SBF2: variants seen among roughly 807,000 people sequenced by gnomAD.
The protein encoded by SBF2 is myotubularin-related protein 13.
SBF2 carries 112 observed loss-of-function variants against 225.2 expected under a neutral mutation model. That is an observed-to-expected ratio of 0.50 (90% CI 0.43 to 0.58). The LOEUF is 0.58. SBF2 is among the 20% of genes least tolerant of loss of function. SBF2 has a pLI of 0.00. For synonymous variants in SBF2, 763 were observed against 773.3 expected, an observed-to-expected ratio of 0.99 and a Z score of 0.22; for missense variants, 1,996 against 2,206.2, an observed-to-expected ratio of 0.90 and a Z score of 1.91.
intron 32 of SBF2, among the ~76,000 whole-genome samples, chr11:9,797,637 AATC>A (rs1003448896): frequency 6.6e-6 from 1 of 152,232 alleles, no homozygotes; most frequent in African/African-American, 2.4e-5. Context: ...AGGGATAAGA[AATC>A]ATGGGTTTCC....
intron 1 of SBF2, among the ~76,000 whole-genome samples, chr11:10,236,337 A>T (rs562535220): frequency 6.6e-6 from 1 of 152,126 alleles, no homozygotes; most frequent in African/African-American, 2.4e-5. Context: ...TAGTATGCAT[A>T]TGCAGTCCCA....
intron 19 of SBF2, among the ~76,000 whole-genome samples, chr11:9,854,063 T>C (rs1857147153): frequency 6.6e-6 from 1 of 152,208 alleles, no homozygotes; most frequent in African/African-American, 2.4e-5. Context: ...ACCTGGGCCT[T>C]CTAAAGCAAC....
intron 18 of SBF2, among the ~76,000 whole-genome samples, chr11:9,857,603 T>C (rs1857416740): frequency 6.6e-6 from 1 of 152,184 alleles, no homozygotes; most frequent in Non-Finnish European, 1.5e-5. Context: ...TCATATCCAT[T>C]TTACCAGTGA....
At chr11:9,796,049 G>A (rs1202750737) in intron 32 of SBF2, 92 bp from the exon 33 acceptor site, 1 of 1,258,996 alleles carries the variant, frequency 7.9e-7, no homozygotes, top group Admixed American at 1.8e-5. Flanking sequence ...ACATGCAGGA[G>A]ACCATTCAGT....
chr11:10,265,160 G>A (rs1359898832), intron 1 of SBF2, among the ~76,000 whole-genome samples: 1 of 152,114 alleles, frequency 6.6e-6, no homozygotes, highest in Non-Finnish European at 1.5e-5. Flanking sequence ...TTGCCACTCT[G>A]TCTTCCACAA....
At chr11:9,963,222 T>C (rs747352415) in intron 15 of SBF2, among the ~76,000 whole-genome samples, 1 of 152,242 alleles carries the variant, frequency 6.6e-6, no homozygotes, top group Non-Finnish European at 1.5e-5. Flanking sequence ...CCCAGCACTT[T>C]GGGAGGCTGA....
At chr11:10,247,827 C>T (rs1046079195) in intron 1 of SBF2, among the ~76,000 whole-genome samples, 3 of 152,096 alleles carry the variant, frequency 2.0e-5, no homozygotes, top group African/African-American at 7.2e-5. Context: ...AAGAAAACAC[C>T]ATCATAAAAA....
intron 16 of SBF2, among the ~76,000 whole-genome samples, chr11:9,943,238 T>C (rs1406375823): frequency 1.3e-5 from 2 of 152,188 alleles, no homozygotes; most frequent in Admixed American, 6.5e-5. Flanking sequence ...CAATTTCAGA[T>C]AGATTAAGGA....
chr11:9,851,083 C>T (rs1244188974), intron 21 of SBF2, among the ~76,000 whole-genome samples: 1 of 146,108 alleles, frequency 6.8e-6, no homozygotes, highest in Admixed American at 7.2e-5. Flanking sequence ...TTGCAGTGAG[C>T]CGAGATTGTG....
At chr11:10,004,585 A>AAAAAC (rs1554981743) in intron 6 of SBF2, among the ~76,000 whole-genome samples, 4 of 148,794 alleles carry the variant, frequency 2.7e-5, no homozygotes, top group African/African-American at 9.7e-5. Flanking sequence ...AAAAAAAAAA[A>AAAAAC]AAAAAAAAAA....
intron 2 of SBF2, among the ~76,000 whole-genome samples, chr11:10,099,126 A>C (rs957214252): frequency 2.0e-5 from 3 of 152,178 alleles, no homozygotes; most frequent in African/African-American, 7.2e-5. Context: ...AGCTCAAAAA[A>C]TCAAGACCAA....
chr11:9,823,108 A>G (rs948225931), intron 28 of SBF2, among the ~76,000 whole-genome samples: 1 of 152,172 alleles, frequency 6.6e-6, no homozygotes, highest in African/African-American at 2.4e-5. Context: ...GGCAGTACTA[A>G]TTTTCTCAAG....
chr11:9,926,748 C>A (rs540334381), intron 16 of SBF2, among the ~76,000 whole-genome samples: 1 of 151,920 alleles, frequency 6.6e-6, no homozygotes, highest in Admixed American at 6.6e-5. Context: ...GCTAATAAGG[C>A]GGTATTTAGT....
chr11:10,004,859 C>G (rs1287893901), intron 6 of SBF2, among the ~76,000 whole-genome samples: 3 of 152,254 alleles, frequency 2.0e-5, no homozygotes, highest in East Asian at 3.9e-4. Context: ...TCTTATATAC[C>G]TATGACCTGG....
intron 16 of SBF2, among the ~76,000 whole-genome samples, chr11:9,916,444 T>C (rs926881367): frequency 2.6e-5 from 4 of 152,182 alleles, no homozygotes; most frequent in African/African-American, 9.7e-5. Flanking sequence ...TTTATATCTA[T>C]ATTTCACATA....
chr11:9,982,685 G>A (rs1947010530), intron 13 of SBF2, among the ~76,000 whole-genome samples: 1 of 152,186 alleles, frequency 6.6e-6, no homozygotes, highest in Non-Finnish European at 1.5e-5. Context: ...CAGCAATCTG[G>A]AGAGGAACCA....
At chr11:10,040,287 T>C (rs1050315638) in intron 3 of SBF2, among the ~76,000 whole-genome samples, 4 of 151,932 alleles carry the variant, frequency 2.6e-5, no homozygotes, top group Admixed American at 2.0e-4. Flanking sequence ...CAGACAGGCA[T>C]TGTGGACTTC....
chr11:9,915,706 T>A (rs1863026556), intron 16 of SBF2: 1 of 151,970 alleles, frequency 6.6e-6, no homozygotes, highest in Non-Finnish European at 1.5e-5. Context: ...ACCAAATAAA[T>A]AAAATGTATA....
chr11:10,027,070 T>G (rs548666505), intron 6 of SBF2, among the ~76,000 whole-genome samples: 1 of 152,166 alleles, frequency 6.6e-6, no homozygotes, highest in Non-Finnish European at 1.5e-5. Flanking sequence ...ATGCATTACT[T>G]CACATACTTT....
Sources: allele counts gnomAD v4.1 joint callset (sites outside exome capture counted in the v4.1 genomes callset), GRCh38; gene constraint gnomAD v4.1.1; transcripts MANE v1.5; gene names NCBI Gene and HGNC (gene_info 2026-07-23, HGNC 2026-07-21).